Variants in NLN observed in about 807,000 individuals in gnomAD.
The protein encoded by NLN is neurolysin, mitochondrial.
A neutral mutation model predicts 79.9 loss-of-function variants in NLN; 64 were observed. The ratio of observed to expected loss-of-function variants is 0.80; its 90% confidence interval spans 0.65 to 0.99. The LOEUF (loss-of-function observed/expected upper bound fraction) is 0.99. Among genes scored for constraint, NLN ranks in the 50% least tolerant of loss-of-function variants. The pLI, the probability that NLN is intolerant of heterozygous loss-of-function variation, is 0.00. For synonymous variants in NLN, 267 were observed against 296.6 expected (o/e 0.90, Z 1.02); for missense variants, 835 against 858.7 (o/e 0.97, Z 0.34).
intron 9 of NLN, among the ~76,000 whole-genome samples, chr5:65,800,747 T>C (rs1760269066): frequency 6.6e-6 from 1 of 151,726 alleles, no homozygotes. Context: ...TGCAGTGGCA[T>C]GATCATGGCT....
intron 9 of NLN, among the ~76,000 whole-genome samples, chr5:65,796,367 TAGAA>T (rs1222319973): frequency 1.3e-5 from 2 of 152,148 alleles, no homozygotes; most frequent in Non-Finnish European, 2.9e-5. Flanking sequence ...ACTTTAGTAC[TAGAA>T]AGATCTTTTC....
chr5:65,765,732 C>T (rs1759437722), intron 3 of NLN, among the ~76,000 whole-genome samples: 1 of 150,852 alleles, frequency 6.6e-6, no homozygotes, highest in Non-Finnish European at 1.5e-5. Context: ...AAAAAATCCA[C>T]ACATAAAGGC....
intron 7 of NLN, among the ~76,000 whole-genome samples, chr5:65,786,577 C>T (rs1183066763): frequency 2.6e-5 from 4 of 152,120 alleles, no homozygotes; most frequent in African/African-American, 9.7e-5. Context: ...GTCCTTTTGG[C>T]TGGGCATGGC....
intron 3 of NLN, among the ~76,000 whole-genome samples, chr5:65,770,045 C>T (rs1490126289): frequency 6.6e-6 from 1 of 152,134 alleles, no homozygotes; most frequent in Non-Finnish European, 1.5e-5. Flanking sequence ...TTCCTGACAA[C>T]CAACTGAAAA....
At chr5:65,743,037 G>A (rs1200043470) in intron 1 of NLN, among the ~76,000 whole-genome samples, 1 of 152,164 alleles carries the variant, frequency 6.6e-6, no homozygotes, top group African/African-American at 2.4e-5. Context: ...CATTTGCCAA[G>A]AAATACAAAA....
At chr5:65,752,683 A>G (rs1404075887) in intron 1 of NLN, among the ~76,000 whole-genome samples, 4 of 152,182 alleles carry the variant, frequency 2.6e-5, no homozygotes, top group Admixed American at 2.6e-4. Context: ...AAAATGTAAC[A>G]AAGGGGAAGA....
intron 1 of NLN, among the ~76,000 whole-genome samples, chr5:65,736,039 A>G (rs1264823302): frequency 6.6e-6 from 1 of 152,266 alleles, no homozygotes; most frequent in Non-Finnish European, 1.5e-5. Flanking sequence ...TATTTCTAGT[A>G]TGAAAAATAT....
At position 65,758,644 on chromosome 5, in the gene NLN, A is replaced by G; in HGVS notation, c.119A>G (p.Tyr40Cys). The G allele has an allele frequency of 2.5e-6, 4 of 1,613,302 alleles. No individual in the cohort carries two copies. The highest frequency in any genetic ancestry group is 2.2e-5 in the East Asian group (1 of 44,852). The change falls in exon 2 of 13, where the codon TAT (tyrosine) becomes TGT (cysteine). Residue 40 changes from tyrosine to cysteine, a missense_variant. Coordinates refer to ENST00000380985, the MANE Select transcript of NLN (RefSeq NM_020726.5). ...TCTCCTCTTCAGGCAATGTCTTCCT[A>G]TACTGTGGCTGGCAGAAATGTTTTA... ...VMSPLQAMSSYTVAGRNVLRW... is the reference protein window; with the variant it reads ...VMSPLQAMSSCTVAGRNVLRW...
intron 12 of NLN, chr5:65,819,009 T>A (rs534933634): frequency 2.0e-5 from 3 of 152,356 alleles, no homozygotes; most frequent in Non-Finnish European, 4.4e-5. Context: ...ATTAAAATAT[T>A]ACCTGAAAGG....
chr5:65,795,446 C>T (rs572858703), intron 9 of NLN, among the ~76,000 whole-genome samples: 11 of 152,188 alleles, frequency 7.2e-5, no homozygotes, highest in African/African-American at 1.4e-4. Context: ...AAGCACTTTG[C>T]GAGGCCCAGG....
chr5:65,816,527 G>A (rs1217804220), intron 12 of NLN, among the ~76,000 whole-genome samples: 2 of 149,138 alleles, frequency 1.3e-5, no homozygotes, highest in African/African-American at 5.0e-5. Context: ...TACCCCGAAC[G>A]TAAAAGTTAA....
intron 12 of NLN, among the ~76,000 whole-genome samples, chr5:65,822,106 A>G (rs1760813701): frequency 6.6e-6 from 1 of 152,250 alleles, no homozygotes; most frequent in Non-Finnish European, 1.5e-5. Flanking sequence ...CTGATACTGA[A>G]TAACAACTAT....
chr5:65,792,894 A>G (rs1271132930), intron 9 of NLN: 1 of 562,244 alleles, frequency 1.8e-6, no homozygotes, highest in Non-Finnish European at 3.3e-6. Context: ...TGGAAAAAGA[A>G]TAAGACTATC....
chr5:65,759,079 C>A (rs893120714), intron 2 of NLN, among the ~76,000 whole-genome samples: 1 of 152,176 alleles, frequency 6.6e-6, no homozygotes, highest in Non-Finnish European at 1.5e-5. Flanking sequence ...TACCCTTGCT[C>A]ATTAATTCCA....
intron 1 of NLN, among the ~76,000 whole-genome samples, chr5:65,736,775 C>T (rs1245291776): frequency 6.6e-6 from 1 of 152,140 alleles, no homozygotes; most frequent in African/African-American, 2.4e-5. Flanking sequence ...AGTATTTATA[C>T]ATTTTAGATA....
intron 3 of NLN, 53 bp downstream of exon 3, chr5:65,763,161 G>C: frequency 1.4e-6 from 2 of 1,479,690 alleles, no homozygotes; most frequent in Non-Finnish European, 1.9e-6. Context: ...CAACAAAAAA[G>C]AACATTCAGT....
At chr5:65,755,983 C>G (rs1198267784) in intron 1 of NLN, among the ~76,000 whole-genome samples, 1 of 152,156 alleles carries the variant, frequency 6.6e-6, no homozygotes, top group African/African-American at 2.4e-5. Context: ...AGTAGTCTGA[C>G]CTGTACCCCT....
chr5:65,820,545 C>A (rs1025819869), intron 12 of NLN, among the ~76,000 whole-genome samples: 1 of 152,032 alleles, frequency 6.6e-6, no homozygotes, highest in Non-Finnish European at 1.5e-5. Flanking sequence ...GGCATTTTGA[C>A]CAAAGAAAGG....
At position 65,773,631 on chromosome 5, in the gene NLN, G is replaced by A. The variant is rs1278942510; in HGVS notation, c.451-3796G>A. 2.0e-5 allele frequency among the ~76,000 whole-genome samples: 3 copies of A among 152,196 alleles called. No homozygotes were observed. In the East Asian group the frequency reaches 5.8e-4, roughly 29 times the overall value. On this transcript the variant is annotated intron_variant, in intron 3 of 12. Transcript: ENST00000380985. Reference sequence around the variant, plus strand: ...AGTCATGAGACGGAAGGTGGGGAGGGTTTGGGGGAAATTAAGAAACTCAAT... The same window carrying A: ...AGTCATGAGACGGAAGGTGGGGAGGATTTGGGGGAAATTAAGAAACTCAAT...
Sources: gnomAD v4.1 joint callset for allele counts (sites outside exome capture counted in the v4.1 genomes callset) on GRCh38, gnomAD v4.1.1 for gene constraint, MANE v1.5 for transcripts, NCBI Gene and HGNC (gene_info 2026-07-23, HGNC 2026-07-21) for gene names.